HEATR5B: variants seen among roughly 807,000 people sequenced by gnomAD.
HEATR5B encodes the protein HEAT repeat-containing protein 5B.
A neutral mutation model predicts 224.1 loss-of-function variants in HEATR5B; 156 were observed. That is an observed-to-expected ratio of 0.70 (90% CI 0.61 to 0.80). The LOEUF (loss-of-function observed/expected upper bound fraction) is 0.80, where lower values mean the gene tolerates loss of function less well. Among genes scored for constraint, HEATR5B ranks in the 30% least tolerant of loss-of-function variants. The pLI is 0.00. For missense variants in HEATR5B, 2,323 were observed against 2,535.5 expected, an observed-to-expected ratio of 0.92 and a Z score of 1.80; for synonymous variants, 1,027 against 893.0, an observed-to-expected ratio of 1.15 and a Z score of -2.68.
chr2:37,003,718 A>C (rs1252202657), intron 30 of HEATR5B, 32 bp from the exon 31 acceptor site: 1 of 1,467,326 alleles, frequency 6.8e-7, no homozygotes, highest in African/African-American at 1.4e-5. Context: ...ACAGTTAAGT[A>C]ATTTCAATCT....
chr2:37,073,187 C>A (rs924958390), intron 5 of HEATR5B, among the ~76,000 whole-genome samples: 6 of 152,172 alleles, frequency 3.9e-5, no homozygotes, highest in Admixed American at 3.9e-4. Flanking sequence ...AACACAGATA[C>A]ACATTTCTAA....
At position 37,062,032 on chromosome 2, in the gene HEATR5B, C is replaced by G; in HGVS notation, c.1603G>C (p.Glu535Gln). 1 of 1,608,706 alleles carries G rather than the reference C, an allele frequency of 6.2e-7. No individual in the cohort carries two copies. The highest frequency in any genetic ancestry group is 2.2e-5 in the East Asian group (1 of 44,844). ...TGGGCAGCAGTTCGTAAAAGATCTT[C>G]AGCAATACTAACTACCATCTGCAAG... Reference protein sequence around the residue: ...AKGKMVVSIAEDLLRTAAQNS... With the variant: ...AKGKMVVSIAQDLLRTAAQNS... Residue 535 changes from glutamate to glutamine, a missense_variant, in exon 11 of 36, where the codon GAA becomes CAA. By Grantham distance (29) the Glu-to-Gln change is conservative. Transcript: ENST00000233099.
chr2:36,991,622 G>C (rs1259101910), intron 33 of HEATR5B, among the ~76,000 whole-genome samples: 2 of 105,592 alleles, frequency 1.9e-5, no homozygotes, highest in African/African-American at 6.7e-5. Flanking sequence ...TACGTAATTA[G>C]AAATAACTAG....
Position 37,003,536 on chromosome 2 carries a change from GCTTA to G in HEATR5B, c.5050+2_5050+5del. On this transcript the variant is annotated splice_donor_variant and splice_donor_5th_base_variant and intron_variant, in intron 31 of 35. Coordinates refer to ENST00000233099, the MANE Select transcript of HEATR5B (RefSeq NM_019024.3). LOFTEE classifies it high-confidence loss of function. ...ACTTCAAGTTAGTGTAATTTCTAGT[GCTTA>G]CTTAGAGTGTTTCTTTTCTCTTGCA... 6 of 1,579,768 alleles carry G rather than the reference GCTTA, an allele frequency of 3.8e-6. No individual in the cohort carries two copies. Among genetic ancestry groups the G allele is most frequent in the African/African-American group, 2.7e-5 (2 of 73,826 alleles).
At position 37,079,140 on chromosome 2, in the gene HEATR5B, C is replaced by T. The variant is rs148929923; in HGVS notation, c.318G>A (p.Ala106=). Residue 106 remains alanine (A), a synonymous_variant, in exon 3 of 36, where the codon GCG becomes GCA. Coordinates refer to ENST00000233099, the MANE Select transcript of HEATR5B (RefSeq NM_019024.3). ...CTTACAATTTTGTTGGTAAGTAGGCCGCAGTGTCATCTTTATTTCTGATAA... is the reference window on the plus strand; with the variant it reads ...CTTACAATTTTGTTGGTAAGTAGGCTGCAGTGTCATCTTTATTTCTGATAA... The part of the protein sequence containing the change: ...NDIIRNKDDT[A]AYLPTKLAAV... 3.4e-5 allele frequency: 54 copies of T among 1,602,284 alleles called. No homozygotes were observed. The highest frequency in any genetic ancestry group is 2.2e-4 in the Admixed American group (13 of 59,416).
intron 32 of HEATR5B, 77 bp downstream of exon 32, chr2:37,002,229 A>C (rs1257394147): frequency 8.0e-6 from 12 of 1,493,822 alleles, no homozygotes; most frequent in African/African-American, 1.4e-5. Flanking sequence ...GGGTTATAAC[A>C]GTGCTTAAAA....
intron 31 of HEATR5B, among the ~76,000 whole-genome samples, chr2:37,002,942 T>C (rs1317993500): frequency 2.6e-5 from 4 of 152,162 alleles, no homozygotes; most frequent in Non-Finnish European, 5.9e-5. Flanking sequence ...ATCTTCTAAA[T>C]GTATGATTAA....
In HEATR5B at chr2:37,050,954, T is replaced by C. The variant is rs187658333; in HGVS notation, c.2506-1111A>G. On this transcript the variant is annotated intron_variant, in intron 17 of 35. Coordinates refer to ENST00000233099, the MANE Select transcript of HEATR5B (RefSeq NM_019024.3). ...TACTCAGCAGACTTAGGCAGGAGAA[T>C]CACTTGAATCCGGGAGGCAGAGATG... Among the ~76,000 whole-genome samples, 501 of 152,062 alleles carry C rather than the reference T, an allele frequency of 3.3e-3. 2 individuals carry two copies. The highest frequency in any genetic ancestry group is 0.01 in the Middle Eastern group (3 of 294).
chr2:37,068,537 A>G, intron 8 of HEATR5B, 144 bp downstream of exon 8: 1 of 824,024 alleles, frequency 1.2e-6, no homozygotes, highest in Admixed American at 2.8e-5. Flanking sequence ...TGTGATTTTA[A>G]TATCAAATAA....
Position 37,079,126 on chromosome 2 carries a change from G to GT in HEATR5B, c.331dup (p.Thr111AsnfsTer14). 1 of 1,579,810 alleles carries GT rather than the reference G, an allele frequency of 6.3e-7. No individual in the cohort carries two copies. On this transcript the variant is annotated frameshift_variant, in exon 3 of 36. Coordinates refer to ENST00000233099, the MANE Select transcript of HEATR5B (RefSeq NM_019024.3). LOFTEE classifies it high-confidence loss of function. ...TATTAAAGTAAGTACTTACAATTTT[G>GT]TTGGTAAGTAGGCCGCAGTGTCATC...
intron 22 of HEATR5B, among the ~76,000 whole-genome samples, chr2:37,032,014 C>T (rs1669164813): frequency 6.6e-6 from 1 of 152,028 alleles, no homozygotes; most frequent in African/African-American, 2.4e-5. Context: ...AAGCAAAGAT[C>T]ATCCTTTTGC....
chr2:36,996,544 G>A (rs1666725219), intron 33 of HEATR5B, among the ~76,000 whole-genome samples: 1 of 151,376 alleles, frequency 6.6e-6, no homozygotes, highest in Non-Finnish European at 1.5e-5. Flanking sequence ...GGCCTCCCAA[G>A]TAGATGGAAT....
At chr2:36,997,094 C>A (rs1267233413) in intron 33 of HEATR5B, among the ~76,000 whole-genome samples, 1 of 150,954 alleles carries the variant, frequency 6.6e-6, no homozygotes, top group Non-Finnish European at 1.5e-5. Context: ...GATATCAACA[C>A]AGACATAAAT....
intron 35 of HEATR5B, among the ~76,000 whole-genome samples, chr2:36,983,248 G>A (rs943424336): frequency 1.3e-5 from 2 of 151,232 alleles, no homozygotes; most frequent in Non-Finnish European, 3.0e-5. Flanking sequence ...GTATTATAGG[G>A]GTAGGCGCGG....
intron 26 of HEATR5B, among the ~76,000 whole-genome samples, chr2:37,015,615 G>T (rs1392028574): frequency 6.6e-6 from 1 of 152,196 alleles, no homozygotes; most frequent in Non-Finnish European, 1.5e-5. Flanking sequence ...TGAATGGAAG[G>T]AAGGTGATAC....
chr2:36,992,637 T>C (rs1044583203), intron 33 of HEATR5B, among the ~76,000 whole-genome samples: 7 of 152,112 alleles, frequency 4.6e-5, no homozygotes, highest in African/African-American at 1.4e-4. Context: ...AACCCCATCA[T>C]AGGAAATTTA....
Position 37,014,028 on chromosome 2 carries a change from AAG to A in HEATR5B, c.4105-10_4105-9del. ...TATCCATGTACTACATACCTAGACA[AAG>A]AGAATTCAAAAACTTTTGTGTAAAA... On this transcript the variant is annotated splice_polypyrimidine_tract_variant and intron_variant, in intron 26 of 35. Coordinates refer to ENST00000233099, the MANE Select transcript of HEATR5B (RefSeq NM_019024.3). 6.7e-7 allele frequency: 1 copy of A among 1,493,848 alleles called. No individual in the cohort carries two copies. The highest frequency in any genetic ancestry group is 2.4e-5 in the East Asian group (1 of 41,936). 92.5% of individuals were successfully genotyped at this position (1,493,848 alleles called of 1,614,324 possible).
Position 37,003,470 on chromosome 2 carries a change from T to C in HEATR5B, c.5050+72A>G, listed in dbSNP as rs1667218912. ...AAATAAGAACTATAGAAATATGTCC[T>C]GGCGTTAATATTTTAAAAATTAGAG... On this transcript the variant is annotated intron_variant, in intron 31 of 35. Coordinates refer to ENST00000233099, the MANE Select transcript of HEATR5B (RefSeq NM_019024.3). The C allele has an allele frequency of 5.2e-5, 57 of 1,103,558 alleles. 1 individual carries two copies. In the South Asian group the frequency reaches 8.5e-4, roughly 17 times the overall value. The allele number at this position is 1,103,558 out of a possible 1,614,324, so 68.4% of individuals were successfully genotyped here. A position where few individuals can be genotyped will look rare whatever the true frequency, so the allele number is the denominator to read the frequency against.
At chr2:37,075,671 T>C in intron 4 of HEATR5B, 37 bp from the exon 5 acceptor site, 1 of 1,531,962 alleles carries the variant, frequency 6.5e-7, no homozygotes, top group Non-Finnish European at 8.9e-7. Context: ...TTTTGTAAAA[T>C]AAATTCCATA....
Sources: allele counts gnomAD v4.1 joint callset (sites outside exome capture counted in the v4.1 genomes callset), GRCh38; gene constraint gnomAD v4.1.1; transcripts MANE v1.5; gene names NCBI Gene and HGNC (gene_info 2026-07-23, HGNC 2026-07-21).